Variants in ZNF709 observed in about 807,000 individuals in gnomAD.
ZNF709 encodes zinc finger protein 709.
Under a neutral mutation model 10.6 loss-of-function variants are expected in ZNF709, and 15 were observed. The ratio of observed to expected loss-of-function variants is 1.41; its 90% CI spans 0.95 to 2.18. ZNF709 has a LOEUF of 2.18. Among genes scored for constraint, ZNF709 ranks in the 30% most tolerant of loss-of-function variants. ZNF709 has a pLI of 0.00. For synonymous variants in ZNF709, 194 were observed against 238.8 expected (o/e 0.81, Z 1.73); for missense variants, 589 against 774.0 (o/e 0.76, Z 2.84).
In ZNF709 at chr19:12,465,088, T is replaced by C; in HGVS notation, c.834A>G (p.Lys278=). 6.2e-7 allele frequency: 1 copy of C among 1,612,478 alleles called. No individual in the cohort carries two copies. Among genetic ancestry groups the C allele is most frequent in the Non-Finnish European group, 8.5e-7 (1 of 1,179,402 alleles). ...TACCACATTGCTTACACTGATAGGG[T>C]TTTTCCCCAGTGTGAGTCCTTTCAT... ...QIHERTHTGE[K]PYQCKQCGKA... is the part of the protein sequence containing the mutation. The change falls in exon 4 of 4, where the codon AAA becomes AAG. Residue 278 remains lysine, a synonymous_variant. Coordinates refer to ENST00000397732, the MANE Select transcript of ZNF709 (RefSeq NM_152601.4).
intron 2 of ZNF709, 37 bp downstream of exon 2, chr19:12,466,687 T>C: frequency 4.3e-6 from 7 of 1,613,710 alleles, no homozygotes; most frequent in East Asian, 2.2e-5. Flanking sequence ...ACACTTGTTC[T>C]CTAATTGACT....
At chr19:12,482,889 T>C (rs1970740552) in intron 1 of ZNF709, among the ~76,000 whole-genome samples, 1 of 152,130 alleles carries the variant, frequency 6.6e-6, no homozygotes, top group African/African-American at 2.4e-5. Context: ...TTGGAGTCAC[T>C]GACCTGAGTC....
intron 1 of ZNF709, among the ~76,000 whole-genome samples, chr19:12,482,185 GCTCCCT>G (rs916743453): frequency 1.1e-4 from 13 of 113,910 alleles, no homozygotes; most frequent in East Asian, 2.4e-4. Context: ...ACACACACAC[GCTCCCT>G]CTCCCTCTCC....
chr19:12,467,117 C>T (rs1181164214), intron 1 of ZNF709, among the ~76,000 whole-genome samples: 1 of 152,164 alleles, frequency 6.6e-6, no homozygotes, highest in Non-Finnish European at 1.5e-5. Context: ...AAATGCTATA[C>T]GATACTCTCC....
chr19:12,465,785 A>T, intron 3 of ZNF709, 52 bp from the exon 4 acceptor site: 1 of 1,262,930 alleles, frequency 7.9e-7, no homozygotes, highest in Non-Finnish European at 1.0e-6. Flanking sequence ...TTTAAAATTA[A>T]TAATTTTATA....
chr19:12,474,131 T>C (rs1423537965), intron 1 of ZNF709, among the ~76,000 whole-genome samples: 1 of 152,244 alleles, frequency 6.6e-6, no homozygotes, highest in African/African-American at 2.4e-5. Context: ...TACTATGCCA[T>C]ATAGTAGATC....
chr19:12,464,240 T>G lies in ZNF709; in HGVS notation c.1682A>C (p.Glu561Ala). 3.8e-6 allele frequency: 6 copies of G among 1,595,272 alleles called. No homozygotes were observed. Among genetic ancestry groups the G allele is most frequent in the Non-Finnish European group, 2.6e-6 (3 of 1,171,814 alleles). The change falls in exon 4 of 4, where the codon GAG becomes GCG. Residue 561 changes from glutamate to alanine, a missense_variant. Physicochemically the swap from Glu to Ala is moderately radical, Grantham distance 107 (BLOSUM62 -1). This residue lies in a region of ZNF709 where 171 missense variants were observed against 277.7 expected (regional missense o/e 0.62). Coordinates refer to ENST00000397732, the MANE Select transcript of ZNF709 (RefSeq NM_152601.4). ...ERTHTGEKPYECKQCGKAFSC... is the reference protein window; with the variant it reads ...ERTHTGEKPYACKQCGKAFSC... ...GAAGGCCTTACCACATTGTTTACAC[T>G]CATAAGGTTTCTCTCCAGTGTGAGT... is the stretch of plus-strand genomic sequence containing the variant.
At position 12,464,801 on chromosome 19, in the gene ZNF709, T is replaced by C; in HGVS notation, c.1121A>G (p.Asp374Gly). 6.2e-7 allele frequency: 1 copy of C among 1,612,920 alleles called. No individual in the cohort carries two copies. Among genetic ancestry groups the C allele is most frequent in the South Asian group, 1.1e-5 (1 of 90,920 alleles). ...YKCKECGKAF[D>G]CPSSFQIHER... ...ATGGATTTGAAAAGAACTAGGACAATCAAAGGCTTTCCCACATTCCTTGCA... is the reference window on the plus strand; with the variant it reads ...ATGGATTTGAAAAGAACTAGGACAACCAAAGGCTTTCCCACATTCCTTGCA... Residue 374 changes from aspartate (D) to glycine (G), a missense_variant, in exon 4 of 4, where the codon GAT (aspartate) becomes GGT (glycine). Around this residue, in one of 2 missense-constraint regions of ZNF709, gnomAD observed 418 missense variants for 496.3 expected, o/e 0.84. Transcript: ENST00000397732.
intron 1 of ZNF709, among the ~76,000 whole-genome samples, chr19:12,468,695 A>G (rs1970606346): frequency 1.3e-5 from 2 of 152,074 alleles, no homozygotes; most frequent in South Asian, 4.1e-4. Context: ...ATCAATAAAA[A>G]AAAAAAAAAA....
At chr19:12,466,205 T>A (rs1378806353) in intron 3 of ZNF709, among the ~76,000 whole-genome samples, 1 of 152,178 alleles carries the variant, frequency 6.6e-6, no homozygotes, top group Non-Finnish European at 1.5e-5. Context: ...CCTCCCAAAG[T>A]GCTAGGATTA....
intron 1 of ZNF709, among the ~76,000 whole-genome samples, chr19:12,477,277 T>TAA (rs1411223929): frequency 1.9e-4 from 29 of 152,224 alleles, no homozygotes; most frequent in Non-Finnish European, 8.8e-5. Flanking sequence ...ATAATACTTT[T>TAA]CAACCCTTCA....
At chr19:12,483,021 TC>T (rs1970741618) in intron 1 of ZNF709, among the ~76,000 whole-genome samples, 3 of 152,206 alleles carry the variant, frequency 2.0e-5, no homozygotes, top group African/African-American at 7.2e-5. Flanking sequence ...AGAATGGAAT[TC>T]CATTTGAAAT....
intron 1 of ZNF709, among the ~76,000 whole-genome samples, chr19:12,480,096 A>T (rs944126217): frequency 7.9e-5 from 12 of 152,056 alleles, no homozygotes; most frequent in Non-Finnish European, 1.3e-4. Flanking sequence ...TCAGGGCTGT[A>T]GTGAGTTATG....
chr19:12,477,319 AACTAATT>A (rs1970685343), intron 1 of ZNF709, among the ~76,000 whole-genome samples: 1 of 152,222 alleles, frequency 6.6e-6, no homozygotes, highest in South Asian at 2.1e-4. Context: ...GAGCCATCAT[AACTAATT>A]TAACTGGGGA....
At position 12,483,472 on chromosome 19, in the gene ZNF709, TG is replaced by T. The variant is rs1224859495; in HGVS notation, c.3+1182del. Among the ~76,000 whole-genome samples, 10 of 152,104 alleles carry T rather than the reference TG, an allele frequency of 6.6e-5. No homozygotes were observed. In the South Asian group the frequency reaches 8.3e-4, roughly 13 times the overall value. ...CCTAGCTTGATATTTTATTATTTTCTGAAACCCATCTCTTTCTTGCCTCTTT... is the reference window on the plus strand; with the variant it reads ...CCTAGCTTGATATTTTATTATTTTCTAAACCCATCTCTTTCTTGCCTCTTT... On this transcript the variant is annotated intron_variant, in intron 1 of 3. Transcript: ENST00000397732.
At position 12,472,498 on chromosome 19, in the gene ZNF709, G is replaced by A. The variant is rs978840401; in HGVS notation, c.4-5648C>T. ...GATCGTGCCACTGCACTCCAGCCTC[G>A]GCGACAGAGCGAGACTCCATCTCAA... On this transcript the variant is annotated intron_variant, in intron 1 of 3. Coordinates refer to ENST00000397732, the MANE Select transcript of ZNF709 (RefSeq NM_152601.4). Among the ~76,000 whole-genome samples the A allele has an allele frequency of 8.9e-5, 13 of 146,658 alleles. No individual in the cohort carries two copies. In the East Asian group the frequency reaches 1.6e-3, roughly 18 times the overall value.
chr19:12,469,605 A>G (rs1170577951), intron 1 of ZNF709, among the ~76,000 whole-genome samples: 1 of 152,020 alleles, frequency 6.6e-6, no homozygotes. Context: ...TGTCTCTACT[A>G]AAAATACAAA....
At chr19:12,477,035 A>G (rs1970682937) in intron 1 of ZNF709, among the ~76,000 whole-genome samples, 1 of 152,168 alleles carries the variant, frequency 6.6e-6, no homozygotes, top group Non-Finnish European at 1.5e-5. Flanking sequence ...AACTAGGTAA[A>G]GTTATATAAT....
intron 1 of ZNF709, among the ~76,000 whole-genome samples, chr19:12,482,156 AACACAC>A (rs34621481): frequency 1.6e-5 from 2 of 128,370 alleles, no homozygotes; most frequent in Non-Finnish European, 1.7e-5. Flanking sequence ...CACACACACA[AACACAC>A]ACACACACAC....
Sources: allele counts gnomAD v4.1 joint callset (sites outside exome capture counted in the v4.1 genomes callset), GRCh38; gene constraint gnomAD v4.1.1; regional missense constraint gnomAD v4.1.1; transcripts MANE v1.5; gene names NCBI Gene and HGNC (gene_info 2026-07-23, HGNC 2026-07-21).